The following MACROD2 variants were observed in gnomAD, a reference collection of about 807,000 sequenced individuals.
The protein encoded by MACROD2 is ADP-ribose glycohydrolase MACROD2.
A neutral mutation model predicts 70.4 loss-of-function variants in MACROD2; 36 were observed. The ratio of observed to expected loss-of-function variants is 0.51; its 90% CI spans 0.39 to 0.68. MACROD2 has a LOEUF of 0.68. MACROD2 is among the 30% of genes least tolerant of loss of function. MACROD2 has a pLI of 0.00. For missense variants in MACROD2, 496 were observed against 538.4 expected, an observed-to-expected ratio of 0.92 and a Z score of 0.78; for synonymous variants, 172 against 178.8, an observed-to-expected ratio of 0.96 and a Z score of 0.30.
chr20:15,969,773 G>A (rs528966559), intron 13 of MACROD2, among the ~76,000 whole-genome samples: 77 of 152,172 alleles, frequency 5.1e-4, no homozygotes, highest in African/African-American at 1.8e-3. Flanking sequence ...TTGGGCAGAA[G>A]CAATAGTTGA....
intron 3 of MACROD2, among the ~76,000 whole-genome samples, chr20:14,156,525 G>A (rs1397214371): frequency 6.6e-6 from 1 of 152,084 alleles, no homozygotes; most frequent in Non-Finnish European, 1.5e-5. Flanking sequence ...CCAGTTTTGA[G>A]TTCCCATTAC....
At chr20:14,356,742 C>T (rs1465850638) in intron 3 of MACROD2, among the ~76,000 whole-genome samples, 3 of 152,008 alleles carry the variant, frequency 2.0e-5, no homozygotes, top group African/African-American at 4.8e-5. Flanking sequence ...TGACTTCAGG[C>T]GATCTGCCCA....
At chr20:16,018,058 C>T (rs1439564778) in intron 15 of MACROD2, among the ~76,000 whole-genome samples, 2 of 152,142 alleles carry the variant, frequency 1.3e-5, no homozygotes, top group African/African-American at 4.8e-5. Flanking sequence ...ACAGAAAGGC[C>T]TTTAGCCCTC....
chr20:14,106,123 T>C (rs2054364794), intron 3 of MACROD2, among the ~76,000 whole-genome samples: 1 of 152,206 alleles, frequency 6.6e-6, no homozygotes, highest in African/African-American at 2.4e-5. Flanking sequence ...AAGCAGGTTC[T>C]TGGACAGCAT....
chr20:15,014,099 T>C (rs915620923), intron 5 of MACROD2, among the ~76,000 whole-genome samples: 2 of 152,234 alleles, frequency 1.3e-5, no homozygotes, highest in Admixed American at 1.3e-4. Context: ...ATAGTTCTGC[T>C]GTTAACATCA....
At chr20:14,761,580 G>A (rs1405847081) in intron 5 of MACROD2, among the ~76,000 whole-genome samples, 3 of 152,078 alleles carry the variant, frequency 2.0e-5, no homozygotes, top group African/African-American at 4.8e-5. Context: ...TGAAATAGCT[G>A]TTTCAGCTCA....
intron 6 of MACROD2, among the ~76,000 whole-genome samples, chr20:15,401,200 G>A (rs1270390357): frequency 6.6e-6 from 1 of 152,016 alleles, no homozygotes; most frequent in Non-Finnish European, 1.5e-5. Flanking sequence ...ACCACGCCCG[G>A]CTAATTTTTT....
Position 14,443,525 on chromosome 20 carries a change from T to G in MACROD2, c.272-49954T>G, listed in dbSNP as rs542853012. 2.6e-5 allele frequency among the ~76,000 whole-genome samples: 4 copies of G among 152,012 alleles called. No homozygotes were observed. In the East Asian group the frequency reaches 7.8e-4, roughly 29 times the overall value. On this transcript the variant is annotated intron_variant, in intron 3 of 17. Transcript: ENST00000684519. ...TTGGTCAGGCTGGTCTTGAACTCCCTACCTCAGGTGATCTGCCCGCCTCGG... is the reference window on the plus strand; with the variant it reads ...TTGGTCAGGCTGGTCTTGAACTCCCGACCTCAGGTGATCTGCCCGCCTCGG...
At chr20:14,759,316 A>G (rs2123749895) in intron 5 of MACROD2, among the ~76,000 whole-genome samples, 1 of 152,252 alleles carries the variant, frequency 6.6e-6, no homozygotes, top group Non-Finnish European at 1.5e-5. Flanking sequence ...AAAATTTTAA[A>G]GAGTATTTGA....
chr20:15,386,283 A>G (rs1035002686), intron 6 of MACROD2, among the ~76,000 whole-genome samples: 11 of 152,096 alleles, frequency 7.2e-5, no homozygotes, highest in Non-Finnish European at 1.3e-4. Flanking sequence ...TTCAACTTAC[A>G]CCAGGAATAT....
intron 3 of MACROD2, among the ~76,000 whole-genome samples, chr20:14,163,238 A>G (rs1391869030): frequency 6.6e-6 from 1 of 152,036 alleles, no homozygotes; most frequent in Admixed American, 6.5e-5. Flanking sequence ...CATGGCTGTC[A>G]GTTTTTTTTC....
chr20:14,630,873 CT>C (rs1984467498), intron 4 of MACROD2, among the ~76,000 whole-genome samples: 1 of 149,696 alleles, frequency 6.7e-6, no homozygotes, highest in African/African-American at 2.5e-5. Flanking sequence ...AACATTTTCC[CT>C]GATGTACAGA....
chr20:15,376,280 T>C (rs1273244556), intron 6 of MACROD2, among the ~76,000 whole-genome samples: 1 of 152,140 alleles, frequency 6.6e-6, no homozygotes, highest in African/African-American at 2.4e-5. Flanking sequence ...TAGAAAAGTA[T>C]ATAAATATCA....
intron 5 of MACROD2, among the ~76,000 whole-genome samples, chr20:15,207,341 C>G (rs554112409): frequency 2.0e-5 from 3 of 150,788 alleles, no homozygotes; most frequent in East Asian, 1.9e-4. Flanking sequence ...ATATAGGATT[C>G]TGGGTTTGAC....
intron 5 of MACROD2, among the ~76,000 whole-genome samples, chr20:15,122,552 CTGTTT>C (rs1316091647): frequency 1.3e-5 from 2 of 152,174 alleles, no homozygotes; most frequent in African/African-American, 2.4e-5. Flanking sequence ...ATAGAAATAA[CTGTTT>C]TGTTTTATTT....
chr20:14,828,337 T>C (rs1183537469), intron 5 of MACROD2, among the ~76,000 whole-genome samples: 1 of 152,178 alleles, frequency 6.6e-6, no homozygotes, highest in Non-Finnish European at 1.5e-5. Context: ...CAAAAGGTTA[T>C]GCATGCTAAA....
intron 2 of MACROD2, among the ~76,000 whole-genome samples, chr20:14,026,946 C>G (rs1448734392): frequency 2.0e-5 from 3 of 152,216 alleles, no homozygotes; most frequent in Non-Finnish European, 1.5e-5. Flanking sequence ...CGCTCACGCT[C>G]TGCTAAGGGA....
intron 3 of MACROD2, among the ~76,000 whole-genome samples, chr20:14,255,761 C>T (rs1485417110): frequency 6.6e-6 from 1 of 151,726 alleles, no homozygotes; most frequent in Non-Finnish European, 1.5e-5. Flanking sequence ...CTGTCTCATT[C>T]CAGGAAGTCA....
intron 6 of MACROD2, among the ~76,000 whole-genome samples, chr20:15,236,834 A>G (rs546462909): frequency 3.5e-4 from 53 of 152,346 alleles, no homozygotes; most frequent in African/African-American, 1.2e-3. Flanking sequence ...TTGAACAAAA[A>G]GTTGAGGTGG....
Sources: gnomAD v4.1 joint callset for allele counts (sites outside exome capture counted in the v4.1 genomes callset) on GRCh38, gnomAD v4.1.1 for gene constraint, MANE v1.5 for transcripts, NCBI Gene and HGNC (gene_info 2026-07-23, HGNC 2026-07-21) for gene names.